Variants in KNTC1 observed in about 807,000 individuals in gnomAD.
The protein encoded by KNTC1 is kinetochore associated 1.
Under a neutral mutation model 314.4 loss-of-function variants are expected in KNTC1, and 253 were observed. That is an observed-to-expected ratio of 0.80 (90% CI 0.73 to 0.89). The LOEUF is 0.89. Among genes scored for constraint, KNTC1 ranks in the 40% least tolerant of loss-of-function variants. The pLI, the probability that KNTC1 is intolerant of heterozygous loss-of-function variation, is 0.00. For missense variants in KNTC1, 2,475 were observed against 2,572.9 expected (o/e 0.96, Z 0.82); for synonymous variants, 901 against 901.4 (o/e 1.00, Z 0.01).
chr12:122,604,168 C>CA, intron 48 of KNTC1, among the ~76,000 whole-genome samples: 1 of 100,348 alleles, frequency 1.0e-5, no homozygotes, highest in Admixed American at 1.0e-4. Flanking sequence ...CCCCGGTGGG[C>CA]TTTTTTTTTT....
At chr12:122,561,281 C>T (rs966616199) in intron 18 of KNTC1, among the ~76,000 whole-genome samples, 1 of 151,534 alleles carries the variant, frequency 6.6e-6, no homozygotes, top group Non-Finnish European at 1.5e-5. Context: ...GGCCACTGCA[C>T]TCCAACCTGG....
chr12:122,563,225 C>T (rs1964100252), intron 20 of KNTC1, among the ~76,000 whole-genome samples: 1 of 151,952 alleles, frequency 6.6e-6, no homozygotes, highest in Non-Finnish European at 1.5e-5. Context: ...GGTTCGAGTG[C>T]AGTGGTGCGA....
chr12:122,597,699 G>A (rs1369839859), intron 43 of KNTC1, 32 bp from the exon 44 acceptor site: 2 of 1,580,124 alleles, frequency 1.3e-6, no homozygotes, highest in South Asian at 1.1e-5. Flanking sequence ...CTGCAGTTTG[G>A]GAGACTGGTG....
At chr12:122,620,663 C>G (rs1357749418) in intron 60 of KNTC1, 55 bp downstream of exon 60, 1 of 1,574,382 alleles carries the variant, frequency 6.4e-7, no homozygotes, top group African/African-American at 1.4e-5. Context: ...TTTCATCTTG[C>G]ATGTCCCTTG....
chr12:122,590,708 A>G lies in KNTC1; in HGVS notation c.4101A>G (p.Lys1367=). The G allele has an allele frequency of 6.2e-7, 1 of 1,613,284 alleles. No individual in the cohort carries two copies. ...VFENLWKLID[K]AWQNYDKILA... is the part of the protein sequence containing the mutation. The stretch of plus-strand genomic sequence containing the variant: ...AAAATCTCTGGAAGCTCATAGATAA[A>G]GCATGGCAGAATTACGACAAAATCT... The change falls in exon 41 of 64, where the codon AAA becomes AAG. Residue 1367 remains lysine (K), a synonymous_variant. Coordinates refer to ENST00000333479, the MANE Select transcript of KNTC1 (RefSeq NM_014708.6).
intron 18 of KNTC1, among the ~76,000 whole-genome samples, chr12:122,559,246 G>A (rs1326365160): frequency 6.6e-6 from 1 of 152,030 alleles, no homozygotes. Context: ...GTCCCAGGAG[G>A]CTGAGGGAAG....
intron 45 of KNTC1, chr12:122,601,984 A>G (rs904042363): frequency 6.3e-6 from 1 of 159,310 alleles, no homozygotes; most frequent in African/African-American, 2.4e-5. Flanking sequence ...AGCTCTGTGT[A>G]TTAATGGGTA....
At chr12:122,578,750 G>A (rs1965195481) in intron 31 of KNTC1, among the ~76,000 whole-genome samples, 1 of 152,088 alleles carries the variant, frequency 6.6e-6, no homozygotes, top group South Asian at 2.1e-4. Flanking sequence ...CCTAAGGATA[G>A]ATACCTCCCA....
chr12:122,619,506 G>A (rs527782290), intron 59 of KNTC1, among the ~76,000 whole-genome samples: 14 of 150,772 alleles, frequency 9.3e-5, no homozygotes, highest in African/African-American at 2.7e-4. Flanking sequence ...CCTGCTTCCC[G>A]GGTTCACGCC....
At chr12:122,530,531 A>G (rs1026878801) in intron 2 of KNTC1, among the ~76,000 whole-genome samples, 1 of 151,668 alleles carries the variant, frequency 6.6e-6, no homozygotes, top group African/African-American at 2.4e-5. Flanking sequence ...GCTCACTGCA[A>G]TCTCTGACTC....
intron 20 of KNTC1, among the ~76,000 whole-genome samples, chr12:122,563,191 G>T (rs1029532287): frequency 6.6e-6 from 1 of 151,814 alleles, no homozygotes; most frequent in African/African-American, 2.4e-5. Context: ...TCTTTTTTGA[G>T]ACAGGGTCTC....
Position 122,557,445 on chromosome 12 carries a change from C to A in KNTC1, c.1334C>A (p.Ala445Asp). ...AAACTGGCATTGAGTTCTGTGGATG[C>A]CAGTGAACAGACCGAATGGCAACAA... ...LEKLALSSVD[A>D]SEQTEWQQLV... Residue 445 changes from alanine (A) to aspartate (D), a missense_variant, in exon 17 of 64, where the codon GCC becomes GAC. Coordinates refer to ENST00000333479, the MANE Select transcript of KNTC1 (RefSeq NM_014708.6). The A allele has an allele frequency of 6.2e-7, 1 of 1,613,424 alleles. No individual in the cohort carries two copies. Among genetic ancestry groups the A allele is most frequent in the Non-Finnish European group, 8.5e-7 (1 of 1,179,466 alleles).
chr12:122,573,226 A>G lies in KNTC1; in HGVS notation c.2224A>G (p.Arg742Gly). ...LIPSILEKFI[R>G]VYMREHDLQE... The stretch of plus-strand genomic sequence containing the variant: ...TCCCTCCATCTTAGAGAAGTTTATA[A>G]GAGTTTACATGAGAGAACATGACTT... The change falls in exon 26 of 64, where the codon AGA becomes GGA. Residue 742 changes from arginine (R) to glycine (G), a missense_variant. Transcript: ENST00000333479. 6.2e-7 allele frequency: 1 copy of G among 1,613,870 alleles called. No homozygotes were observed. Among genetic ancestry groups the G allele is most frequent in the Non-Finnish European group, 8.5e-7 (1 of 1,179,790 alleles).
chr12:122,562,830 C>T, intron 20 of KNTC1, 131 bp downstream of exon 20: 3 of 567,170 alleles, frequency 5.3e-6, no homozygotes, highest in Non-Finnish European at 9.9e-6. Flanking sequence ...GCCAACATGG[C>T]AAAACCCCAT....
At chr12:122,579,670 G>A (rs1273352797) in intron 31 of KNTC1, among the ~76,000 whole-genome samples, 1 of 152,210 alleles carries the variant, frequency 6.6e-6, no homozygotes, top group South Asian at 2.1e-4. Flanking sequence ...TAGTTGAAAG[G>A]TTATTTGGGA....
At chr12:122,599,107 T>A (rs1871468949) in intron 44 of KNTC1, among the ~76,000 whole-genome samples, 1 of 152,044 alleles carries the variant, frequency 6.6e-6, no homozygotes, top group Non-Finnish European at 1.5e-5. Context: ...TCTTCATACA[T>A]ATTTTTATAC....
intron 12 of KNTC1, among the ~76,000 whole-genome samples, chr12:122,548,824 C>T (rs577246272): frequency 1.2e-3 from 182 of 151,896 alleles, no homozygotes; most frequent in Non-Finnish European, 2.3e-3. Flanking sequence ...AAAAATTAGC[C>T]GGGCTTGGTG....
chr12:122,561,423 A>G (rs190613218), intron 18 of KNTC1, among the ~76,000 whole-genome samples: 63 of 152,054 alleles, frequency 4.1e-4, no homozygotes, highest in African/African-American at 1.4e-3. Context: ...TTTTGCAATG[A>G]CCTATGAGTA....
intron 24 of KNTC1, among the ~76,000 whole-genome samples, chr12:122,572,254 G>C (rs1364305176): frequency 1.3e-5 from 2 of 152,156 alleles, no homozygotes; most frequent in African/African-American, 4.8e-5. Flanking sequence ...AATTAGCCAG[G>C]CATGGTGGTG....
Sources: gnomAD v4.1 joint callset for allele counts (sites outside exome capture counted in the v4.1 genomes callset) on GRCh38, gnomAD v4.1.1 for gene constraint, MANE v1.5 for transcripts, NCBI Gene and HGNC (gene_info 2026-07-23, HGNC 2026-07-21) for gene names.